Variants in SLC7A9 observed in about 807,000 individuals in gnomAD.
SLC7A9 encodes B(0,+)-type amino acid transporter 1.
A neutral mutation model predicts 54.1 loss-of-function variants in SLC7A9; 38 were observed. The ratio of observed to expected loss-of-function variants is 0.70; its 90% CI spans 0.54 to 0.92. SLC7A9 has a LOEUF of 0.92. SLC7A9 is among the 40% of genes least tolerant of loss of function. The pLI, the probability that SLC7A9 is intolerant of heterozygous loss-of-function variation, is 0.00. For missense variants in SLC7A9, 537 were observed against 636.1 expected (o/e 0.84, Z 1.68); for synonymous variants, 264 against 258.9 (o/e 1.02, Z -0.19).
At chr19:32,857,875 T>C (rs1314614224) in intron 9 of SLC7A9, among the ~76,000 whole-genome samples, 1 of 152,194 alleles carries the variant, frequency 6.6e-6, no homozygotes, top group Non-Finnish European at 1.5e-5. Flanking sequence ...ACCATGGCTG[T>C]TCACTCTTGG....
chr19:32,843,762 G>T, intron 10 of SLC7A9, 93 bp downstream of exon 10: 1 of 838,330 alleles, frequency 1.2e-6, no homozygotes, highest in Non-Finnish European at 2.1e-6. Context: ...AGGAATAAGG[G>T]CATCTGGGTC....
At chr19:32,840,681 C>G (rs1968102619) in intron 11 of SLC7A9, among the ~76,000 whole-genome samples, 1 of 152,130 alleles carries the variant, frequency 6.6e-6, no homozygotes, top group South Asian at 2.1e-4. Flanking sequence ...CTGTTGTCGT[C>G]AGTGATCCTT....
intron 9 of SLC7A9, among the ~76,000 whole-genome samples, chr19:32,846,715 GCCT>G (rs1353488923): frequency 6.6e-6 from 1 of 152,234 alleles, no homozygotes; most frequent in African/African-American, 2.4e-5. Context: ...TGGGCAGACT[GCCT>G]CCTCAAATGG....
Position 32,833,259 on chromosome 19 carries a change from A to G in SLC7A9, c.1289T>C (p.Ile430Thr), listed in dbSNP as rs1054280997. Residue 430 changes from isoleucine to threonine, a missense_variant, in exon 12 of 13, where the codon ATC becomes ACC. Ile to Thr is a moderately conservative substitution (Grantham distance 89, BLOSUM62 -1). Coordinates refer to ENST00000023064, the MANE Select transcript of SLC7A9 (RefSeq NM_014270.5). ...ISVFLVLAPI[I>T]SKPTWEYLYC... ...GAGGTACTCCCAGGTGGGCTTGCTG[A>G]TGATTGGAGCCAGAACCAAAAACAC... 6.2e-7 allele frequency: 1 copy of G among 1,614,114 alleles called. No homozygotes were observed. Among genetic ancestry groups the G allele is most frequent in the Admixed American group, 1.7e-5 (1 of 60,006 alleles).
At position 32,843,894 on chromosome 19, in the gene SLC7A9, G is replaced by A. The variant is rs908295237; in HGVS notation, c.1035C>T (p.Ser345=). 6.8e-6 allele frequency: 11 copies of A among 1,613,816 alleles called. No homozygotes were observed. Among genetic ancestry groups the A allele is most frequent in the East Asian group, 2.2e-5 (1 of 44,892 alleles). ...GHMLKVLSYI[S]VRRLTPAPAI... ...CGGGGGCTGGAGTGAGGCGCCTGAC[G>A]CTGATGTAAGAAAGCACTTTGAGCA... The change falls in exon 10 of 13, where the codon AGC becomes AGT. Residue 345 remains serine (S), a synonymous_variant. Coordinates refer to ENST00000023064, the MANE Select transcript of SLC7A9 (RefSeq NM_014270.5).
At chr19:32,858,221 C>T (rs190004281) in intron 9 of SLC7A9, among the ~76,000 whole-genome samples, 1 of 152,268 alleles carries the variant, frequency 6.6e-6, no homozygotes, top group Admixed American at 6.5e-5. Context: ...TTCCAGGCAG[C>T]CTTGATCAAT....
At chr19:32,855,494 TC>T (rs2145832029) in intron 9 of SLC7A9, among the ~76,000 whole-genome samples, 1 of 151,922 alleles carries the variant, frequency 6.6e-6, no homozygotes, top group South Asian at 2.1e-4. Context: ...GGTCAGGAGA[TC>T]AAGACCATCC....
rs765096409 is a variant in SLC7A9 at position 32,842,336 on chromosome 19, G to T, written c.1075-19C>A. 9 of 1,609,522 alleles carry T rather than the reference G, an allele frequency of 5.6e-6. No homozygotes were observed. The Middle Eastern group carries it at 8.2e-4, about 147-fold the overall frequency. Reference sequence around the variant, plus strand: ...TGATACCCTAATAGAAAGAAGAATGGATTTGTAGGTCATTACTACAAAACA... The same window carrying T: ...TGATACCCTAATAGAAAGAAGAATGTATTTGTAGGTCATTACTACAAAACA... On this transcript the variant is annotated intron_variant, in intron 10 of 12. Coordinates refer to ENST00000023064, the MANE Select transcript of SLC7A9 (RefSeq NM_014270.5).
chr19:32,862,305 C>A, intron 5 of SLC7A9, 88 bp from the exon 6 acceptor site: 2 of 1,442,896 alleles, frequency 1.4e-6, no homozygotes, highest in Non-Finnish European at 2.0e-6. Context: ...TGATTGTGAC[C>A]CCAGCTTAAT....
intron 11 of SLC7A9, among the ~76,000 whole-genome samples, chr19:32,834,205 C>A (rs913260157): frequency 6.6e-6 from 1 of 152,170 alleles, no homozygotes; most frequent in African/African-American, 2.4e-5. Flanking sequence ...TCTTCAAAAG[C>A]CTCTTTGTTT....
At chr19:32,832,569 C>G in intron 12 of SLC7A9, among the ~76,000 whole-genome samples, 1 of 120,642 alleles carries the variant, frequency 8.3e-6, no homozygotes, top group African/African-American at 3.2e-5. Flanking sequence ...GCCTGGGCAA[C>G]AGAGTGAGAC....
At chr19:32,864,535 G>T (rs1968905667) in intron 3 of SLC7A9, 94 bp downstream of exon 3, 14 of 1,549,932 alleles carry the variant, frequency 9.0e-6, no homozygotes, top group Non-Finnish European at 1.2e-5. Flanking sequence ...GTGCCAAGAG[G>T]GATACTGGCA....
At chr19:32,835,891 GTGTGTGTGTGTGTGTGTGTA>G (rs1315396231) in intron 11 of SLC7A9, among the ~76,000 whole-genome samples, 6 of 114,044 alleles carry the variant, frequency 5.3e-5, no homozygotes, top group East Asian at 3.0e-4. Flanking sequence ...TTTATGTACT[GTGTGTGTGTGTGTGTGTGTA>G]TGTGTGTGTG....
At chr19:32,855,948 T>C (rs1247294651) in intron 9 of SLC7A9, among the ~76,000 whole-genome samples, 3 of 152,192 alleles carry the variant, frequency 2.0e-5, no homozygotes, top group East Asian at 3.8e-4. Context: ...TTCTTATCCC[T>C]GTACCACCAG....
chr19:32,858,131 T>C (rs1014495766), intron 9 of SLC7A9, among the ~76,000 whole-genome samples: 6 of 152,212 alleles, frequency 3.9e-5, no homozygotes, highest in African/African-American at 1.4e-4. Flanking sequence ...ATTCACGCGG[T>C]GTCGCTTCCC....
chr19:32,864,656 C>T lies in SLC7A9; in HGVS notation c.208G>A (p.Ala70Thr). 2.5e-6 allele frequency: 4 copies of T among 1,614,086 alleles called. No homozygotes were observed. Among genetic ancestry groups the T allele is most frequent in the Non-Finnish European group, 3.4e-6 (4 of 1,180,038 alleles). Residue 70 changes from alanine to threonine, a missense_variant, in exon 3 of 13, where the codon GCG becomes ACG. Transcript: ENST00000023064. ...AGCGTCGCGAGGACCCCGCAAGCCGCCCATATGATGAGGCAGGGCCCCACA... is the reference window on the plus strand; with the variant it reads ...AGCGTCGCGAGGACCCCGCAAGCCGTCCATATGATGAGGCAGGGCCCCACA... ...EAVGPCLIIW[A>T]ACGVLATLGA...
rs1317339646 is a variant in SLC7A9 at position 32,858,453 on chromosome 19, A to G, written c.964T>C (p.Phe322Leu). 4 of 1,612,806 alleles carry G rather than the reference A, an allele frequency of 2.5e-6. No homozygotes were observed. The Admixed American group carries it at 5.0e-5, about 20-fold the overall frequency. Reference protein sequence around the residue: ...STIGAANGTCFTAGRLIYVAG... With the variant: ...STIGAANGTCLTAGRLIYVAG... The stretch of plus-strand genomic sequence containing the variant: ...GGGGTCCCCTACCTGCCCGCTGTGA[A>G]GCAGGTCCCGTTAGCAGCACCGATG... The change falls in exon 9 of 13, where the codon TTC (phenylalanine) becomes CTC (leucine). Residue 322 changes from phenylalanine (F) to leucine (L), a missense_variant. Coordinates refer to ENST00000023064, the MANE Select transcript of SLC7A9 (RefSeq NM_014270.5).
intron 9 of SLC7A9, among the ~76,000 whole-genome samples, chr19:32,852,426 T>C (rs1359272897): frequency 6.6e-6 from 1 of 151,978 alleles, no homozygotes; most frequent in Non-Finnish European, 1.5e-5. Context: ...GGGAGGGGTC[T>C]GAGGCTGCAG....
intron 5 of SLC7A9, 30 bp downstream of exon 5, chr19:32,862,431 C>A: frequency 6.2e-7 from 1 of 1,612,102 alleles, no homozygotes; most frequent in African/African-American, 1.3e-5. Context: ...TGGTGTGTGC[C>A]CGTGCAGGGC....
Sources: gnomAD v4.1 joint callset for allele counts (sites outside exome capture counted in the v4.1 genomes callset) on GRCh38, gnomAD v4.1.1 for gene constraint, MANE v1.5 for transcripts, NCBI Gene and HGNC (gene_info 2026-07-23, HGNC 2026-07-21) for gene names.